Variants in NREP observed in about 807,000 individuals in gnomAD.
NREP encodes the protein neuronal regeneration related protein.
In NREP, 5 loss-of-function variants were observed where a neutral mutation model predicts 8.6. That is an observed-to-expected ratio of 0.58 (90% CI 0.30 to 1.22). The LOEUF (loss-of-function observed/expected upper bound fraction) is 1.22, where lower values mean the gene tolerates loss of function less well. Ranked by LOEUF, NREP falls within the 50% of genes most tolerant of loss-of-function variation. NREP has a pLI of 0.07. For synonymous variants in NREP, 27 were observed against 28.0 expected, an observed-to-expected ratio of 0.96 and a Z score of 0.11; for missense variants, 86 against 82.5, an observed-to-expected ratio of 1.04 and a Z score of -0.17.
At chr5:111,941,513 C>T (rs954758418) in intron 2 of NREP, among the ~76,000 whole-genome samples, 6 of 152,042 alleles carry the variant, frequency 3.9e-5, no homozygotes, top group South Asian at 4.1e-4. Flanking sequence ...TCCTCCTCTG[C>T]GCACTGTAAA....
At chr5:111,871,773 G>T (rs185894655) in intron 2 of NREP, among the ~76,000 whole-genome samples, 2 of 150,728 alleles carry the variant, frequency 1.3e-5, no homozygotes, top group East Asian at 3.9e-4. Flanking sequence ...GAGTTTTTCA[G>T]CTCCATTATA....
At chr5:111,760,325 T>A (rs1253796862), upstream of NREP, among the ~76,000 whole-genome samples, 1 of 152,180 alleles carries the variant, frequency 6.6e-6, no homozygotes, top group Non-Finnish European at 1.5e-5. Flanking sequence ...AACAATCAGA[T>A]CCATCTCCTG....
At chr5:111,775,388 CTGA>C (rs1300921354) in intron 2 of NREP, among the ~76,000 whole-genome samples, 3 of 152,272 alleles carry the variant, frequency 2.0e-5, no homozygotes, top group Admixed American at 1.3e-4. Flanking sequence ...CAGGAGGCAG[CTGA>C]TTACCACATA....
At chr5:111,798,919 C>A (rs1023376188) in intron 2 of NREP, among the ~76,000 whole-genome samples, 18 of 152,120 alleles carry the variant, frequency 1.2e-4, no homozygotes, top group Non-Finnish European at 2.2e-4. Context: ...ATAATAACTT[C>A]TTTTCCTCTA....
chr5:111,931,036 C>G (rs540993875), intron 2 of NREP, among the ~76,000 whole-genome samples: 2 of 152,114 alleles, frequency 1.3e-5, no homozygotes, highest in South Asian at 4.2e-4. Flanking sequence ...GGGTAGAAGA[C>G]AGAAAGAATT....
chr5:111,769,967 A>T (rs147570591), intron 2 of NREP, among the ~76,000 whole-genome samples: 1 of 152,318 alleles, frequency 6.6e-6, no homozygotes, highest in African/African-American at 2.4e-5. Flanking sequence ...GGCAGAAAGT[A>T]AGTGCAAAGG....
rs1163362934 is a variant in NREP at position 111,729,932 on chromosome 5, AG to A, written c.*988del. 1 of 152,554 alleles carries A rather than the reference AG, an allele frequency of 6.6e-6. No individual in the cohort carries two copies. Among genetic ancestry groups the A allele is most frequent in the African/African-American group, 2.4e-5 (1 of 41,420 alleles). The allele number at this position is 152,554 out of a possible 1,614,324, so 9.5% of individuals were successfully genotyped here. A position where few individuals can be genotyped will look rare whatever the true frequency, so the allele number is the denominator to read the frequency against. On this transcript the variant is annotated 3_prime_UTR_variant, in exon 4 of 4. Transcript: ENST00000257435. The stretch of plus-strand genomic sequence containing the variant: ...ATGCCAGTGTTTTGGGTTTTTTTCC[AG>A]GGGGAGTTTATTTAAAACGGTTTTG...
chr5:111,743,244 T>C (rs1457284623), intron 2 of NREP, among the ~76,000 whole-genome samples: 1 of 150,882 alleles, frequency 6.6e-6, no homozygotes, highest in African/African-American at 2.4e-5. Flanking sequence ...CAATACAAGA[T>C]AGTTGCTCTC....
At chr5:111,972,840 G>T (rs923756078) in intron 2 of NREP, among the ~76,000 whole-genome samples, 4 of 152,202 alleles carry the variant, frequency 2.6e-5, no homozygotes, top group Non-Finnish European at 5.9e-5. Flanking sequence ...CCTGCTGCTA[G>T]GGTGCCTGCC....
intron 2 of NREP, among the ~76,000 whole-genome samples, chr5:111,896,883 C>A (rs1417216016): frequency 1.3e-5 from 2 of 152,092 alleles, no homozygotes; most frequent in Non-Finnish European, 2.9e-5. Context: ...ATTTGAGTTA[C>A]AATATGATTT....
intron 2 of NREP, among the ~76,000 whole-genome samples, chr5:111,967,229 G>T (rs949354712): frequency 6.6e-6 from 1 of 152,120 alleles, no homozygotes; most frequent in South Asian, 2.1e-4. Context: ...GCACGAGCCC[G>T]TCATGCACCA....
At chr5:111,931,726 T>A (rs906929180) in intron 2 of NREP, among the ~76,000 whole-genome samples, 2 of 152,162 alleles carry the variant, frequency 1.3e-5, no homozygotes, top group African/African-American at 4.8e-5. Flanking sequence ...AACAAAGGCA[T>A]AGTAATTGAT....
intron 2 of NREP, among the ~76,000 whole-genome samples, chr5:111,967,107 A>G (rs1330928902): frequency 6.6e-6 from 1 of 152,160 alleles, no homozygotes; most frequent in Admixed American, 6.5e-5. Flanking sequence ...GCTACTCAAT[A>G]CCCTACAATG....
rs1470745505 is a variant in NREP, at chr5:111,729,887, A to G, written c.*1034T>C. 1 of 152,620 alleles carries G rather than the reference A, an allele frequency of 6.6e-6. No individual in the cohort carries two copies. Among genetic ancestry groups the G allele is most frequent in the African/African-American group, 2.4e-5 (1 of 41,444 alleles). The allele number at this position is 152,620 out of a possible 1,614,324, so 9.5% of individuals were successfully genotyped here. A position where few individuals can be genotyped will look rare whatever the true frequency, so the allele number is the denominator to read the frequency against. ...CAATTTAATATTTGGAAAAGGTGTC[A>G]TTTTCATATTCCCACTCAGATGCCA... On this transcript the variant is annotated 3_prime_UTR_variant, in exon 4 of 4. Transcript: ENST00000257435.
At chr5:111,899,400 G>C (rs192414471) in intron 2 of NREP, among the ~76,000 whole-genome samples, 5 of 152,188 alleles carry the variant, frequency 3.3e-5, no homozygotes, top group South Asian at 2.1e-4. Flanking sequence ...TGTAGTACTA[G>C]CTACTTGGAA....
At chr5:111,759,110 G>C (rs1366217087), upstream of NREP, among the ~76,000 whole-genome samples, 1 of 152,212 alleles carries the variant, frequency 6.6e-6, no homozygotes, top group Non-Finnish European at 1.5e-5. Context: ...TAAGGCATAG[G>C]CTGGGTGGTG....
At chr5:111,911,556 G>C (rs975330782) in intron 2 of NREP, among the ~76,000 whole-genome samples, 14 of 152,034 alleles carry the variant, frequency 9.2e-5, no homozygotes, top group African/African-American at 3.4e-4. Flanking sequence ...GTGAGCTGGA[G>C]ATATGTTATA....
chr5:111,971,708 T>C (rs564407914), intron 2 of NREP, among the ~76,000 whole-genome samples: 62 of 152,286 alleles, frequency 4.1e-4, no homozygotes, highest in Admixed American at 9.8e-4. Context: ...TTTCATATCA[T>C]AGACAAAAGT....
intron 2 of NREP, among the ~76,000 whole-genome samples, chr5:111,843,072 T>C (rs1753071112): frequency 6.6e-6 from 1 of 152,194 alleles, no homozygotes; most frequent in Non-Finnish European, 1.5e-5. Context: ...TCCATGAACC[T>C]AGATGTTCAT....
Sources: allele counts gnomAD v4.1 joint callset (sites outside exome capture counted in the v4.1 genomes callset), GRCh38; gene constraint gnomAD v4.1.1; transcripts MANE v1.5; gene names NCBI Gene and HGNC (gene_info 2026-07-23, HGNC 2026-07-21).